The following KDM6B variants were observed in gnomAD, a reference collection of about 807,000 sequenced individuals.
KDM6B encodes lysine demethylase 6B.
In KDM6B, 22 loss-of-function variants were observed where a neutral mutation model predicts 150.4. The observed-to-expected ratio is 0.15, with a 90% confidence interval of 0.10 to 0.21. The LOEUF is 0.21. Among genes scored for constraint, KDM6B ranks in the 10% least tolerant of loss-of-function variants. The probability of loss-of-function intolerance (pLI) is 1.00; values close to 1 mark genes in which losing one functional copy is unlikely to be tolerated. For missense variants in KDM6B, 1,984 were observed against 2,234.3 expected (o/e 0.89, Z 2.26); for synonymous variants, 1,148 against 921.1 (o/e 1.25, Z -4.46).
chr17:7,834,866 T>G (rs2078300614), intron 1 of KDM6B, among the ~76,000 whole-genome samples: 1 of 151,854 alleles, frequency 6.6e-6, no homozygotes, highest in Non-Finnish European at 1.5e-5. Context: ...AGCCTTCGCC[T>G]TCTTCCCACC....
intron 1 of KDM6B, among the ~76,000 whole-genome samples, chr17:7,835,815 T>TC (rs2078325316): frequency 1.0e-5 from 1 of 96,822 alleles, no homozygotes; most frequent in African/African-American, 4.1e-5. Flanking sequence ...GGCGCCCCCC[T>TC]CCCCTCGTGG....
At position 7,848,472 on chromosome 17, in the gene KDM6B, C is replaced by T; in HGVS notation, c.2184C>T (p.Pro728=). The change falls in exon 12 of 24, where the codon CCC becomes CCT. Residue 728 remains proline (P), a synonymous_variant. Coordinates refer to ENST00000448097, the MANE Select transcript of KDM6B (RefSeq NM_001348716.2). ...GVAPQPPLKE[P]FASLQSPFPT... ...CCCCCCAACCCCCGCTGAAGGAGCCCTTTGCATCTCTGCAGTCTCCTTTCC... is the reference window on the plus strand; with the variant it reads ...CCCCCCAACCCCCGCTGAAGGAGCCTTTTGCATCTCTGCAGTCTCCTTTCC... 3 of 1,612,122 alleles carry T rather than the reference C, an allele frequency of 1.9e-6. No homozygotes were observed. The highest frequency in any genetic ancestry group is 2.5e-6 in the Non-Finnish European group (3 of 1,179,942).
rs550093679 is a variant in KDM6B at position 7,854,769 on chromosome 17, A to C, written c.*1248A>C. The C allele has an allele frequency of 4.4e-5, 15 of 342,700 alleles. No homozygotes were observed. The South Asian group carries it at 6.0e-4, about 14-fold the overall frequency. 21.2% of individuals were successfully genotyped at this position (342,700 alleles called of 1,614,324 possible). A position where few individuals can be genotyped will look rare whatever the true frequency, so the allele number is the denominator to read the frequency against. ...TCGGTGATTTTTGTGTGAGAATATT[A>C]ATATTAAAAATAAACGGAGAAAAAA... On this transcript the variant is annotated 3_prime_UTR_variant, in exon 24 of 24. Transcript: ENST00000448097.
intron 14 of KDM6B, 128 bp downstream of exon 14, chr17:7,850,305 G>C (rs2078665599): frequency 2.7e-6 from 2 of 729,692 alleles, no homozygotes; most frequent in Admixed American, 2.5e-5. Flanking sequence ...TGATGGGTCT[G>C]CTGGCCTTGG....
intron 7 of KDM6B, 29 bp from the exon 8 acceptor site, chr17:7,846,371 G>GGGGGGGGGGCGGGGGGCC: frequency 6.7e-7 from 1 of 1,488,926 alleles, no homozygotes; most frequent in Non-Finnish European, 9.2e-7. Flanking sequence ...CCTGACATCT[G>GGGGGGGGGGCGGGGGGCC]CCCCTGCCCC....
chr17:7,846,195 G>A lies in KDM6B; in HGVS notation c.354G>A (p.Glu118=). The A allele has an allele frequency of 3.1e-6, 5 of 1,614,160 alleles. No homozygotes were observed. In the South Asian group the frequency reaches 3.3e-5, roughly 11 times the overall value. The change falls in exon 7 of 24, where the codon GAG becomes GAA. Residue 118 remains glutamate (E), a synonymous_variant. Coordinates refer to ENST00000448097, the MANE Select transcript of KDM6B (RefSeq NM_001348716.2). ...GGGAACAGCTTGGGCAACTGTACGA[G>A]TCAGAGCACGATAGTGAGGAGGCCA... ...GLWEQLGQLY[E]SEHDSEEATR... is the part of the protein sequence containing the mutation.
At position 7,845,476 on chromosome 17, in the gene KDM6B, C is replaced by A. The variant is rs1444051608; in HGVS notation, c.-6+20C>A. 1 of 1,579,874 alleles carries A rather than the reference C, an allele frequency of 6.3e-7. No individual in the cohort carries two copies. Among genetic ancestry groups the A allele is most frequent in the Non-Finnish European group, 8.7e-7 (1 of 1,149,944 alleles). On this transcript the variant is annotated intron_variant, in intron 4 of 23. Coordinates refer to ENST00000448097, the MANE Select transcript of KDM6B (RefSeq NM_001348716.2). ...GACCTGGTAAGGGAAACTCTGGGGC[C>A]GAGCTGGCTGGATGTACACTGGCAG...
chr17:7,853,311 G>A lies in KDM6B; in HGVS notation c.4839G>A (p.Leu1613=). The change falls in exon 23 of 24, where the codon CTG becomes CTA. Residue 1613 remains leucine (L), a synonymous_variant. Coordinates refer to ENST00000448097, the MANE Select transcript of KDM6B (RefSeq NM_001348716.2). ...EGCARRRSAG[L]QGVVVLEQYR... ...GTGCCCGGCGCCGCAGCGCAGGCCT[G>A]CAGGGCGTGGTGGTGCTGGAGCAGT... 6 of 1,595,812 alleles carry A rather than the reference G, an allele frequency of 3.8e-6. No individual in the cohort carries two copies. The highest frequency in any genetic ancestry group is 5.1e-6 in the Non-Finnish European group (6 of 1,172,276).
Position 7,848,171 on chromosome 17 carries a change from C to T in KDM6B, c.1883C>T (p.Pro628Leu), listed in dbSNP as rs1365806587. 1.2e-6 allele frequency: 2 copies of T among 1,612,718 alleles called. No homozygotes were observed. The highest frequency in any genetic ancestry group is 2.2e-5 in the East Asian group (1 of 44,840). Residue 628 changes from proline to leucine, a missense_variant, in exon 12 of 24, where the codon CCC (proline) becomes CTC (leucine). Physicochemically the swap from Pro to Leu is moderately conservative, Grantham distance 98 (BLOSUM62 -3). Transcript: ENST00000448097. ...GGAAGCTTCAGGCGCCCGGAGAGCC[C>T]CCGGCCCAGGGTCTCCTTCCCAAAG... ...TSGSFRRPES[P>L]RPRVSFPKTP... is the part of the protein sequence containing the mutation.
chr17:7,846,370 T>TGGGGGGGGGCCGGGGG, intron 7 of KDM6B, 30 bp from the exon 8 acceptor site: 1 of 1,501,962 alleles, frequency 6.7e-7, no homozygotes, highest in Non-Finnish European at 9.1e-7. Flanking sequence ...ACCTGACATC[T>TGGGGGGGGGCCGGGGG]GCCCCTGCCC....
At chr17:7,841,786 C>T (rs1049254059) in intron 2 of KDM6B, among the ~76,000 whole-genome samples, 11 of 152,014 alleles carry the variant, frequency 7.2e-5, no homozygotes, top group Non-Finnish European at 1.6e-4. Context: ...CGGTGGGGGG[C>T]GGGGAGGGGC....
rs755523855 is a variant in KDM6B, at chr17:7,846,653, T to G, written c.624T>G (p.Pro208=). Residue 208 remains proline (P), a synonymous_variant, in exon 9 of 24, where the codon CCT becomes CCG. Transcript: ENST00000448097. ...CTGCTGAACCCCCAGTGGTGCAGCC[T>G]GTGCCTCCTGCAGCACTCTCAGGCC... is the stretch of plus-strand genomic sequence containing the variant. ...KRAAEPPVVQ[P]VPPAALSGPS... 6.2e-7 allele frequency: 1 copy of G among 1,614,132 alleles called. No individual in the cohort carries two copies. Among genetic ancestry groups the G allele is most frequent in the East Asian group, 2.2e-5 (1 of 44,878 alleles).
Position 7,853,387 on chromosome 17 carries a change from GC to G in KDM6B, c.4908+10del. ...CTACGACGCCTTCACGCTGGTGAGG[GC>G]CCGGCGGGCGCGCGGGCAGCGGAGG... On this transcript the variant is annotated splice_region_variant and intron_variant, in intron 23 of 23. Coordinates refer to ENST00000448097, the MANE Select transcript of KDM6B (RefSeq NM_001348716.2). 2 of 1,541,298 alleles carry G rather than the reference GC, an allele frequency of 1.3e-6. No individual in the cohort carries two copies. The highest frequency in any genetic ancestry group is 1.7e-6 in the Non-Finnish European group (2 of 1,147,966).
Position 7,844,364 on chromosome 17 carries a change from G to A in KDM6B, c.-268-537G>A, listed in dbSNP as rs1475554842. ...ACCTGGAGGAACTGGGTATGAGACTGGGGGCTTGACCAAGGTTTGGGTCGG... is the reference window on the plus strand; with the variant it reads ...ACCTGGAGGAACTGGGTATGAGACTAGGGGCTTGACCAAGGTTTGGGTCGG... On this transcript the variant is annotated intron_variant, in intron 2 of 23. Coordinates refer to ENST00000448097, the MANE Select transcript of KDM6B (RefSeq NM_001348716.2). This position sits in a 1 kb window ranked among gnomAD's most constrained non-coding sequence, Gnocchi z 5.9. 1.3e-5 allele frequency: 2 copies of A among 152,332 alleles called. No homozygotes were observed. The highest frequency in any genetic ancestry group is 2.4e-5 in the African/African-American group (1 of 41,446). 9.4% of individuals were successfully genotyped at this position (152,332 alleles called of 1,614,324 possible). A position where few individuals can be genotyped will look rare whatever the true frequency, so the allele number is the denominator to read the frequency against.
chr17:7,844,563 C>CTTTTATG lies in KDM6B; in HGVS notation c.-268-338_-268-337insTTTTATG, dbSNP rs1479804773. ...GGGACGTCTTTTTTGCGTTCTGCATCCGTCTGTCGTCCGTCGGTCTTACGG... is the reference window on the plus strand; with the variant it reads ...GGGACGTCTTTTTTGCGTTCTGCATCTTTTATGCGTCTGTCGTCCGTCGGTCTTACGG... On this transcript the variant is annotated intron_variant, in intron 2 of 23. Transcript: ENST00000448097. The surrounding 1 kb of genome is among the most constrained non-coding windows in gnomAD (Gnocchi z 5.9). 1.3e-5 allele frequency among the ~76,000 whole-genome samples: 2 copies of CTTTTATG among 152,162 alleles called. No homozygotes were observed. Among genetic ancestry groups the CTTTTATG allele is most frequent in the Non-Finnish European group, 2.9e-5 (2 of 68,018 alleles).
At position 7,846,638 on chromosome 17, in the gene KDM6B, C is replaced by T; in HGVS notation, c.609C>T (p.Pro203=). 1 of 1,614,092 alleles carries T rather than the reference C, an allele frequency of 6.2e-7. No homozygotes were observed. The highest frequency in any genetic ancestry group is 8.5e-7 in the Non-Finnish European group (1 of 1,179,990). ...GGPPVKRAAE[P]PVVQPVPPAA... ...CCCCGGTGAAGCGAGCTGCTGAACCCCCAGTGGTGCAGCCTGTGCCTCCTG... is the reference window on the plus strand; with the variant it reads ...CCCCGGTGAAGCGAGCTGCTGAACCTCCAGTGGTGCAGCCTGTGCCTCCTG... Residue 203 remains proline (P), a synonymous_variant, in exon 9 of 24, where the codon CCC becomes CCT. Transcript: ENST00000448097.
At chr17:7,835,803 C>T (rs1214250554) in intron 1 of KDM6B, among the ~76,000 whole-genome samples, 2 of 151,758 alleles carry the variant, frequency 1.3e-5, no homozygotes, top group East Asian at 3.9e-4. Context: ...CGCGGCGAGC[C>T]GGGCGCCCCC....
In KDM6B at chr17:7,853,514, C is replaced by T. The variant is rs2078747401; in HGVS notation, c.4925C>T (p.Ser1642Leu). ...TCCCCCCAGGCCCCAGCCAGCACGT[C>T]GCGATGAGGCCGGACGCCCCGCCCG... ...DAFTLAPAST[S>L]R The change falls in exon 24 of 24, where the codon TCG becomes TTG. Residue 1642 changes from serine to leucine, a missense_variant. Physicochemically the swap from Ser to Leu is moderately radical, Grantham distance 145 (BLOSUM62 -2). Coordinates refer to ENST00000448097, the MANE Select transcript of KDM6B (RefSeq NM_001348716.2). 11 of 1,503,922 alleles carry T rather than the reference C, an allele frequency of 7.3e-6. No homozygotes were observed. The highest frequency in any genetic ancestry group is 2.4e-4 in the Middle Eastern group (1 of 4,226). 93.2% of individuals were successfully genotyped at this position (1,503,922 alleles called of 1,614,324 possible).
chr17:7,846,704 T>C lies in KDM6B; in HGVS notation c.675T>C (p.Pro225=), dbSNP rs1489567806. Residue 225 remains proline (P), a synonymous_variant, in exon 9 of 24, where the codon CCT becomes CCC. Coordinates refer to ENST00000448097, the MANE Select transcript of KDM6B (RefSeq NM_001348716.2). ...SGPSGEEGLS[P]GGKRRRGCNS... ...CCTCAGGGGAGGAGGGCCTCAGCCC[T>C]GGAGGCAAGCGAAGGAGAGGCTGCA... 4 of 1,614,112 alleles carry C rather than the reference T, an allele frequency of 2.5e-6. No individual in the cohort carries two copies. Among genetic ancestry groups the C allele is most frequent in the Non-Finnish European group, 3.4e-6 (4 of 1,179,976 alleles).
Sources: gnomAD v4.1 joint callset for allele counts (sites outside exome capture counted in the v4.1 genomes callset) on GRCh38, gnomAD v4.1.1 for gene constraint, Gnocchi (gnomAD v3.1) non-coding constraint, MANE v1.5 for transcripts, NCBI Gene and HGNC (gene_info 2026-07-23, HGNC 2026-07-21) for gene names.